EDA: variants seen among roughly 807,000 people sequenced by gnomAD.
The protein encoded by EDA is ectodysplasin A.
EDA carries 2 observed loss-of-function variants against 23.6 expected under a neutral mutation model. The ratio of observed to expected loss-of-function variants is 0.08; its 90% CI spans 0.03 to 0.27. The LOEUF (loss-of-function observed/expected upper bound fraction) is 0.27. EDA is among the 10% of genes least tolerant of loss of function. EDA has a pLI of 1.00. For synonymous variants in EDA, 131 were observed against 132.0 expected, an observed-to-expected ratio of 0.99 and a Z score of 0.05; for missense variants, 229 against 324.2, an observed-to-expected ratio of 0.71 and a Z score of 2.26.
At chrX:69,885,904 G>A (rs1039310457) in intron 1 of EDA, among the ~76,000 whole-genome samples, 4 of 112,002 alleles carry the variant, frequency 3.6e-5, no homozygotes, top group African/African-American at 1.3e-4. Flanking sequence ...ACTAACCTCA[G>A]TATCAGATGT....
chrX:69,781,289 A>G (rs776136742), intron 1 of EDA, among the ~76,000 whole-genome samples: 1 of 111,387 alleles, frequency 9.0e-6, no homozygotes, highest in Non-Finnish European at 1.9e-5. Context: ...ATCATATGGC[A>G]GCTCTTTTAA....
chrX:69,958,605 A>T (rs779480697), intron 2 of EDA, among the ~76,000 whole-genome samples: 1 of 110,716 alleles, frequency 9.0e-6, no homozygotes, highest in Admixed American at 9.6e-5. Context: ...TGAATGGAGA[A>T]CTGGACCAGT....
At chrX:69,888,978 TTATATA>T (rs935436674) in intron 1 of EDA, among the ~76,000 whole-genome samples, 275 of 16,014 alleles carry the variant, frequency 0.017, 9 homozygotes, top group Middle Eastern at 0.12. Flanking sequence ...TGTGGGGTAG[TTATATA>T]TATATATATA....
At chrX:70,020,174 C>T (rs2020011535) in intron 2 of EDA, among the ~76,000 whole-genome samples, 1 of 111,763 alleles carries the variant, frequency 8.9e-6, no homozygotes, top group African/African-American at 3.2e-5. Context: ...GGTTTAACTA[C>T]ATGTAAGGAA....
chrX:69,762,706 A>G lies in EDA; in HGVS notation c.396+146002A>G, dbSNP rs185923491. On this transcript the variant is annotated intron_variant, in intron 1 of 7. Coordinates refer to ENST00000374552, the MANE Select transcript of EDA (RefSeq NM_001399.5). ...ATCAATACATTTATTAAGCCACCTG[A>G]ACTGAGTAGAAATGAGAGAGAAGAG... is the stretch of plus-strand genomic sequence containing the variant. 1.1e-3 allele frequency among the ~76,000 whole-genome samples: 125 copies of G among 112,056 alleles called. 2 individuals are homozygous for G. In the East Asian group the frequency reaches 0.02, roughly 18 times the overall value.
At chrX:69,876,090 G>T (rs990351832) in intron 1 of EDA, among the ~76,000 whole-genome samples, 3 of 111,710 alleles carry the variant, frequency 2.7e-5, no homozygotes, top group Admixed American at 1.9e-4. Context: ...ACTCCTTAAA[G>T]AACTAAAAGT....
intron 2 of EDA, among the ~76,000 whole-genome samples, chrX:70,020,989 T>C (rs2020025999): frequency 1.8e-5 from 2 of 112,411 alleles, no homozygotes; most frequent in East Asian, 5.5e-4. Flanking sequence ...CGTTTATGTA[T>C]GTGTAAGGAG....
chrX:69,967,604 G>A (rs1271565868), intron 2 of EDA, among the ~76,000 whole-genome samples: 1 of 111,915 alleles, frequency 8.9e-6, no homozygotes, highest in East Asian at 2.8e-4. Flanking sequence ...CAGATAGCTG[G>A]CCTAAATTGG....
chrX:69,682,424 C>T (rs899281750), intron 1 of EDA, among the ~76,000 whole-genome samples: 1 of 112,359 alleles, frequency 8.9e-6, no homozygotes, highest in African/African-American at 3.2e-5. Context: ...CCCAGCCTCG[C>T]TGCCACCTTG....
At chrX:69,660,498 C>A (rs796124175) in intron 1 of EDA, among the ~76,000 whole-genome samples, 4 of 108,769 alleles carry the variant, frequency 3.7e-5, no homozygotes, top group South Asian at 8.4e-4. Flanking sequence ...CCACTCCCCC[C>A]ACCCCACAAC....
chrX:69,729,378 C>T (rs1685493977), intron 1 of EDA, among the ~76,000 whole-genome samples: 1 of 110,962 alleles, frequency 9.0e-6, no homozygotes, highest in African/African-American at 3.3e-5. Context: ...CCTACTTTTC[C>T]TTCTCTTTCC....
intron 1 of EDA, among the ~76,000 whole-genome samples, chrX:69,803,674 A>G (rs558213166): frequency 7.2e-5 from 8 of 111,125 alleles, no homozygotes; most frequent in African/African-American, 2.3e-4. Flanking sequence ...GGAAGCATTC[A>G]GTAGCCTCCC....
chrX:69,947,610 C>T (rs914870209), intron 1 of EDA, among the ~76,000 whole-genome samples: 3 of 112,077 alleles, frequency 2.7e-5, no homozygotes, highest in Admixed American at 9.5e-5. Context: ...TGTATTTCTA[C>T]GCATGTCAGC....
At chrX:69,879,728 C>A (rs1239361179) in intron 1 of EDA, among the ~76,000 whole-genome samples, 4 of 112,017 alleles carry the variant, frequency 3.6e-5, no homozygotes, top group African/African-American at 1.3e-4. Flanking sequence ...CATACCTGGG[C>A]TGGAGAAAAA....
At chrX:69,681,647 T>C (rs1602289079) in intron 1 of EDA, among the ~76,000 whole-genome samples, 1 of 110,806 alleles carries the variant, frequency 9.0e-6, no homozygotes, top group African/African-American at 3.3e-5. Context: ...TTCACGTAGT[T>C]CTCGAGCCTT....
chrX:70,013,019 T>C (rs920633984), intron 2 of EDA, among the ~76,000 whole-genome samples: 36 of 112,209 alleles, frequency 3.2e-4, no homozygotes, highest in Non-Finnish European at 5.3e-4. Flanking sequence ...ACAGTGCAGA[T>C]GCCTTACAGA....
chrX:69,697,980 G>A (rs2011410955), intron 1 of EDA, among the ~76,000 whole-genome samples: 1 of 111,816 alleles, frequency 8.9e-6, no homozygotes, highest in Non-Finnish European at 1.9e-5. Flanking sequence ...GTTGTTGCGG[G>A]AGCATTTCCA....
At chrX:70,032,275 AAAAG>A (rs2020210451) in intron 6 of EDA, among the ~76,000 whole-genome samples, 1 of 108,742 alleles carries the variant, frequency 9.2e-6, no homozygotes, top group African/African-American at 3.3e-5. Flanking sequence ...AAAAAAAAAA[AAAAG>A]AAGAAGAAGT....
intron 1 of EDA, among the ~76,000 whole-genome samples, chrX:69,809,255 TC>T (rs1322200928): frequency 9.0e-6 from 1 of 111,476 alleles, no homozygotes; most frequent in African/African-American, 3.3e-5. Flanking sequence ...GACGCACAGT[TC>T]CACCGGGTGC....
Sources: gnomAD v4.1 joint callset for allele counts (sites outside exome capture counted in the v4.1 genomes callset) on GRCh38, gnomAD v4.1.1 for gene constraint, MANE v1.5 for transcripts, NCBI Gene and HGNC (gene_info 2026-07-23, HGNC 2026-07-21) for gene names.